The following GAREM1 variants were observed in gnomAD, a reference collection of about 807,000 sequenced individuals.
GAREM1 encodes the protein GRB2-associated and regulator of MAPK protein 1.
GAREM1 carries 26 observed loss-of-function variants against 71.3 expected under a neutral mutation model. The ratio of observed to expected loss-of-function variants is 0.36; its 90% CI spans 0.27 to 0.51. GAREM1 has a LOEUF of 0.51. Among genes scored for constraint, GAREM1 ranks in the 20% least tolerant of loss-of-function variants. The pLI is 0.95. For synonymous variants in GAREM1, 440 were observed against 433.2 expected (o/e 1.02, Z -0.20); for missense variants, 1,026 against 1,103.1 (o/e 0.93, Z 0.99).
chr18:32,377,341 G>A (rs1264913368), intron 2 of GAREM1, among the ~76,000 whole-genome samples: 4 of 152,148 alleles, frequency 2.6e-5, no homozygotes, highest in Non-Finnish European at 5.9e-5. Flanking sequence ...CACAGAGAAC[G>A]TGTTCCAAGG....
intron 1 of GAREM1, among the ~76,000 whole-genome samples, chr18:32,435,673 T>C (rs1056382652): frequency 2.0e-5 from 3 of 152,102 alleles, no homozygotes; most frequent in Non-Finnish European, 4.4e-5. Context: ...AATGTTGTTA[T>C]GTGATAAAAA....
intron 3 of GAREM1, among the ~76,000 whole-genome samples, chr18:32,301,960 T>C (rs983652899): frequency 7.2e-5 from 11 of 152,236 alleles, no homozygotes; most frequent in African/African-American, 2.7e-4. Context: ...CCATAAATGT[T>C]TCAGAAATAC....
At position 32,266,292 on chromosome 18, in the gene GAREM1, A is replaced by AT. The variant is rs368127491; in HGVS notation, c.*1578dup. 369 of 152,188 alleles carry AT rather than the reference A, an allele frequency of 2.4e-3. No homozygotes were observed. The highest frequency in any genetic ancestry group is 7.9e-3 in the African/African-American group (328 of 41,520). 9.4% of individuals were successfully genotyped at this position (152,188 alleles called of 1,614,324 possible). A position where few individuals can be genotyped will look rare whatever the true frequency, so the allele number is the denominator to read the frequency against. On this transcript the variant is annotated 3_prime_UTR_variant, in exon 6 of 6. Transcript: ENST00000269209. ...ACTGGTGGGTCTTGTCTTTCAATTT[A>AT]TTTTTTTATTTTGGTAGCAGGAAGA...
chr18:32,397,818 T>C (rs899920703), intron 1 of GAREM1, among the ~76,000 whole-genome samples: 4 of 152,182 alleles, frequency 2.6e-5, no homozygotes, highest in Non-Finnish European at 2.9e-5. Flanking sequence ...GCGGACCTAA[T>C]AGACATCTAC....
chr18:32,405,410 C>G (rs538707418), intron 1 of GAREM1, among the ~76,000 whole-genome samples: 1 of 152,210 alleles, frequency 6.6e-6, no homozygotes, highest in African/African-American at 2.4e-5. Context: ...GTTGGCCAGG[C>G]TGGTCTCAAA....
intron 2 of GAREM1, among the ~76,000 whole-genome samples, chr18:32,377,020 G>C (rs2048036869): frequency 6.6e-6 from 1 of 152,140 alleles, no homozygotes; most frequent in Non-Finnish European, 1.5e-5. Context: ...ATATCTATGA[G>C]ATAAGTATTA....
rs549622973 is a variant in GAREM1 at position 32,401,698 on chromosome 18, G to A, written c.122-8663C>T. Among the ~76,000 whole-genome samples the A allele has an allele frequency of 3.9e-5, 6 of 152,302 alleles. No individual in the cohort carries two copies. The East Asian group carries it at 9.6e-4, about 24-fold the overall frequency. On this transcript the variant is annotated intron_variant, in intron 1 of 5. Transcript: ENST00000269209. ...GAGAAGAGAGAAACCAGAGCCATGG[G>A]GCGTATGCAGAAAACCCAGAGGTAG...
chr18:32,328,343 C>T (rs1462531086), intron 2 of GAREM1, among the ~76,000 whole-genome samples: 4 of 152,120 alleles, frequency 2.6e-5, no homozygotes, highest in Admixed American at 2.6e-4. Context: ...TCAATTACTG[C>T]AGGAGATAGT....
At chr18:32,384,285 A>G (rs1378197621) in intron 2 of GAREM1, among the ~76,000 whole-genome samples, 1 of 152,232 alleles carries the variant, frequency 6.6e-6, no homozygotes, top group East Asian at 1.9e-4. Flanking sequence ...TGTTGCCACA[A>G]ACATTTAACA....
intron 2 of GAREM1, among the ~76,000 whole-genome samples, chr18:32,359,486 T>G (rs1014910354): frequency 6.6e-6 from 1 of 152,190 alleles, no homozygotes; most frequent in Non-Finnish European, 1.5e-5. Flanking sequence ...TGGAGCCAAA[T>G]GGATTATATA....
At chr18:32,358,771 GT>G (rs1475667362) in intron 2 of GAREM1, among the ~76,000 whole-genome samples, 1 of 152,134 alleles carries the variant, frequency 6.6e-6, no homozygotes, top group African/African-American at 2.4e-5. Context: ...CCACTAGGAG[GT>G]CAGGGTCAAA....
intron 2 of GAREM1, among the ~76,000 whole-genome samples, chr18:32,319,490 T>C (rs1189282255): frequency 6.6e-6 from 1 of 152,216 alleles, no homozygotes; most frequent in Non-Finnish European, 1.5e-5. Flanking sequence ...TTAACCTTTG[T>C]ATAAATGTTC....
chr18:32,335,188 TTC>T (rs1014319644), intron 2 of GAREM1, among the ~76,000 whole-genome samples: 1 of 152,234 alleles, frequency 6.6e-6, no homozygotes, highest in Admixed American at 6.5e-5. Flanking sequence ...GTGGGCATTC[TTC>T]TCTCTCAGTG....
Position 32,376,753 on chromosome 18 carries a change from G to A in GAREM1, c.262+16142C>T, listed in dbSNP as rs933968303. 3.9e-5 allele frequency among the ~76,000 whole-genome samples: 6 copies of A among 152,168 alleles called. 1 individual carries two copies. The highest frequency in any genetic ancestry group is 8.8e-5 in the Non-Finnish European group (6 of 68,028). Reference sequence around the variant, plus strand: ...CTTGGGAGGGTGAGGCAGAAGAATCGCTTGAACCCGGGAGGCGGAGGCTGC... The same window carrying A: ...CTTGGGAGGGTGAGGCAGAAGAATCACTTGAACCCGGGAGGCGGAGGCTGC... On this transcript the variant is annotated intron_variant, in intron 2 of 5. Coordinates refer to ENST00000269209, the MANE Select transcript of GAREM1 (RefSeq NM_001242409.2).
intron 1 of GAREM1, among the ~76,000 whole-genome samples, chr18:32,463,642 T>A (rs530847544): frequency 2.0e-5 from 3 of 149,590 alleles, no homozygotes; most frequent in Non-Finnish European, 4.4e-5. Context: ...TGATCTCAGC[T>A]CACTGCAAAC....
chr18:32,452,409 C>T (rs887796623), intron 1 of GAREM1, among the ~76,000 whole-genome samples: 14 of 152,158 alleles, frequency 9.2e-5, no homozygotes, highest in African/African-American at 3.4e-4. Context: ...CCCTAACATG[C>T]CTCTGTTCAG....
chr18:32,293,211 G>A (rs1286162462), intron 3 of GAREM1, among the ~76,000 whole-genome samples: 1 of 151,938 alleles, frequency 6.6e-6, no homozygotes, highest in African/African-American at 2.4e-5. Flanking sequence ...CAAGCAACCA[G>A]ACACTGCCCA....
chr18:32,331,956 G>A (rs148924909), intron 2 of GAREM1, among the ~76,000 whole-genome samples: 61 of 151,746 alleles, frequency 4.0e-4, no homozygotes, highest in African/African-American at 1.5e-3. Flanking sequence ...GACGGGAAAA[G>A]GCATTGGTCT....
chr18:32,365,231 T>C (rs1025038372), intron 2 of GAREM1, among the ~76,000 whole-genome samples: 3 of 152,226 alleles, frequency 2.0e-5, no homozygotes, highest in African/African-American at 7.2e-5. Flanking sequence ...GTGGAACTAA[T>C]TTAATTTTTG....
Sources: gnomAD v4.1 joint callset for allele counts (sites outside exome capture counted in the v4.1 genomes callset) on GRCh38, gnomAD v4.1.1 for gene constraint, MANE v1.5 for transcripts, NCBI Gene and HGNC (gene_info 2026-07-23, HGNC 2026-07-21) for gene names.